The following KCNN4 variants were observed in gnomAD, a reference collection of about 807,000 sequenced individuals.
KCNN4 encodes the protein potassium calcium-activated channel subfamily N member 4, also known as intermediate conductance calcium-activated potassium channel protein 4.
In KCNN4, 31 loss-of-function variants were observed where a neutral mutation model predicts 45.2. That is an observed-to-expected ratio of 0.69 (90% CI 0.52 to 0.92). KCNN4 has a LOEUF of 0.92. KCNN4 is among the 40% of genes least tolerant of loss of function. The probability of loss-of-function intolerance (pLI) is 0.00; values close to 1 mark genes in which losing one functional copy is unlikely to be tolerated. For synonymous variants in KCNN4, 231 were observed against 254.6 expected (o/e 0.91, Z 0.88); for missense variants, 463 against 574.0 (o/e 0.81, Z 1.98).
rs746100782 is a variant in KCNN4, at chr19:43,774,519, G to A, written c.356C>T (p.Pro119Leu). 4 of 1,596,768 alleles carry A rather than the reference G, an allele frequency of 2.5e-6. No homozygotes were observed. Among genetic ancestry groups the A allele is most frequent in the African/African-American group, 1.3e-5 (1 of 74,770 alleles). The change falls in exon 3 of 9, where the codon CCG (proline) becomes CTG (leucine). Residue 119 changes from proline to leucine, a missense_variant. By Grantham distance (98) the Pro-to-Leu change is moderately conservative. Around this residue, in one of 3 missense-constraint regions of KCNN4, gnomAD observed 225 missense variants for 240.9 expected, o/e 0.93. Coordinates refer to ENST00000648319, the MANE Select transcript of KCNN4 (RefSeq NM_002250.3). This position sits in a 1 kb window ranked among gnomAD's most constrained non-coding sequence, Gnocchi z 5.6. ...GCACGGCGGGCCCCGCACGGGCGCCGGGTGCAGCCCACACACCACCAGCTC... is the reference window on the plus strand; with the variant it reads ...GCACGGCGGGCCCCGCACGGGCGCCAGGTGCAGCCCACACACCACCAGCTC... Reference protein sequence around the residue: ...VLELVVCGLHPAPVRGPPCVQ... With the variant: ...VLELVVCGLHLAPVRGPPCVQ...
Position 43,776,497 on chromosome 19 carries a change from AG to A in KCNN4, c.255+43del, listed in dbSNP as rs772932619. ...GAAAGTGTGAGCTGACAGGGCGCTG[AG>A]GGGGTTGGAGGGAGCAAGGCTTAGG... On this transcript the variant is annotated intron_variant, in intron 2 of 8. Coordinates refer to ENST00000648319, the MANE Select transcript of KCNN4 (RefSeq NM_002250.3). 5.4e-6 allele frequency: 7 copies of A among 1,300,230 alleles called. 1 individual carries two copies. The South Asian group carries it at 8.3e-5, about 15-fold the overall frequency. 80.5% of individuals were successfully genotyped at this position (1,300,230 alleles called of 1,614,324 possible).
chr19:43,776,556 A>T lies in KCNN4; in HGVS notation c.240T>A (p.His80Gln). ...CCTGCCCTACCTGGACCTCTTTGGC[A>T]TGAAAGGCCACGATGAGGCAGAGGA... ...FLLLCLIVAF[H>Q]AKEVQLFMTD... The change falls in exon 2 of 9, where the codon CAT (histidine) becomes CAA (glutamine). Residue 80 changes from histidine (H) to glutamine (Q), a missense_variant. Coordinates refer to ENST00000648319, the MANE Select transcript of KCNN4 (RefSeq NM_002250.3). 1 of 1,613,122 alleles carries T rather than the reference A, an allele frequency of 6.2e-7. No homozygotes were observed. Among genetic ancestry groups the T allele is most frequent in the South Asian group, 1.1e-5 (1 of 91,054 alleles).
rs757129792 is a variant in KCNN4, at chr19:43,768,983, A to G, written c.1099T>C (p.Ser367Pro). The change falls in exon 7 of 9, where the codon TCC becomes CCC. Residue 367 changes from serine (S) to proline (P), a missense_variant. Ser to Pro is a moderately conservative substitution (Grantham distance 74). Around this residue, in one of 3 missense-constraint regions of KCNN4, gnomAD observed 129 missense variants for 149.4 expected, o/e 0.86. Transcript: ENST00000648319. ...KHRKLREQVN[S>P]MVDISKMHMI... ...AGTACCTTGGAGATGTCCACCATGGAGTTCACTTGTTCCCGGAGCTTCCGG... is the reference window on the plus strand; with the variant it reads ...AGTACCTTGGAGATGTCCACCATGGGGTTCACTTGTTCCCGGAGCTTCCGG... The G allele has an allele frequency of 6.2e-7, 1 of 1,613,988 alleles. No individual in the cohort carries two copies. Among genetic ancestry groups the G allele is most frequent in the Non-Finnish European group, 8.5e-7 (1 of 1,179,926 alleles).
In KCNN4 at chr19:43,774,451, G is replaced by C. The variant is rs1275418288; in HGVS notation, c.424C>G (p.Pro142Ala). 1.3e-6 allele frequency: 2 copies of C among 1,595,142 alleles called. No individual in the cohort carries two copies. Among genetic ancestry groups the C allele is most frequent in the South Asian group, 1.1e-5 (1 of 89,168 alleles). ...GCTTCCCCTTGGCCCAGGAATCCCG[G>C]CCAGGGCTGCGGGGAGGTCAGCGGC... ...GAPLTSPQPW[P>A]GFLGQGEALL... is the part of the protein sequence containing the mutation. The change falls in exon 3 of 9, where the codon CCG becomes GCG. Residue 142 changes from proline to alanine, a missense_variant. Physicochemically the swap from Pro to Ala is conservative, Grantham distance 27 (BLOSUM62 -1). Around this residue, in one of 3 missense-constraint regions of KCNN4, gnomAD observed 225 missense variants for 240.9 expected, o/e 0.93. Coordinates refer to ENST00000648319, the MANE Select transcript of KCNN4 (RefSeq NM_002250.3). The surrounding 1 kb of genome is among the most constrained non-coding windows in gnomAD (Gnocchi z 5.6).
intron 1 of KCNN4, among the ~76,000 whole-genome samples, chr19:43,778,121 C>T (rs1374875864): frequency 6.6e-6 from 1 of 152,208 alleles, no homozygotes; most frequent in East Asian, 1.9e-4. Context: ...TTTCCATTTC[C>T]TCTTCCCCCA....
chr19:43,771,958 A>G (rs199621066), intron 4 of KCNN4, 42 bp downstream of exon 4: 7 of 1,546,638 alleles, frequency 4.5e-6, no homozygotes, highest in Non-Finnish European at 6.1e-6. Context: ...GAGGATGACC[A>G]GTTTGGGATA....
chr19:43,771,647 G>A (rs1324907312), intron 4 of KCNN4, among the ~76,000 whole-genome samples: 1 of 152,166 alleles, frequency 6.6e-6, no homozygotes, highest in Non-Finnish European at 1.5e-5. Flanking sequence ...AGGTTCTAGA[G>A]AGAGCAAGGA....
At chr19:43,767,922 G>A (rs1969528681) in intron 7 of KCNN4, among the ~76,000 whole-genome samples, 2 of 152,202 alleles carry the variant, frequency 1.3e-5, no homozygotes, top group African/African-American at 4.8e-5. Flanking sequence ...AAAAGCCACA[G>A]GGAGTGGGAA....
chr19:43,776,846 C>A, intron 1 of KCNN4: 1 of 534,964 alleles, frequency 1.9e-6, no homozygotes, highest in Non-Finnish European at 3.4e-6. Context: ...ACCTGTAATC[C>A]CAACACTCTG....
At chr19:43,780,452 CTG>C (rs1568396905) in intron 1 of KCNN4, among the ~76,000 whole-genome samples, 4 of 139,460 alleles carry the variant, frequency 2.9e-5, no homozygotes, top group South Asian at 2.4e-4. Context: ...CCCAGGAGTC[CTG>C]ACCCCCAGCC....
chr19:43,772,197 C>T lies in KCNN4; in HGVS notation c.684-62G>A. ...ATAGAGGTTTCCATGATATTCACTC[C>T]CCTTCCCTCTATACCCTCCCATCCC... On this transcript the variant is annotated intron_variant, in intron 3 of 8. Transcript: ENST00000648319. The surrounding 1 kb of genome is among the most constrained non-coding windows in gnomAD (Gnocchi z 4.4). 1 of 1,585,074 alleles carries T rather than the reference C, an allele frequency of 6.3e-7. No homozygotes were observed. The highest frequency in any genetic ancestry group is 8.6e-7 in the Non-Finnish European group (1 of 1,163,016).
rs537430081 is a variant in KCNN4, at chr19:43,779,373, G to A, written c.159+1330C>T. ...CGGCGGCCCCACCCCCTCAGTGCCC[G>A]CCGCCTGCCAGAGGAAGCTGCATGC... is the stretch of plus-strand genomic sequence containing the variant. On this transcript the variant is annotated intron_variant, in intron 1 of 8. Transcript: ENST00000648319. 9.5e-5 allele frequency among the ~76,000 whole-genome samples: 14 copies of A among 147,786 alleles called. No homozygotes were observed. The East Asian group carries it at 2.5e-3, about 26-fold the overall frequency.
At position 43,769,183 on chromosome 19, in the gene KCNN4, C is replaced by T. The variant is rs1969564330; in HGVS notation, c.1050-151G>A. 1 of 845,388 alleles carries T rather than the reference C, an allele frequency of 1.2e-6. No individual in the cohort carries two copies. The highest frequency in any genetic ancestry group is 1.7e-5 in the African/African-American group (1 of 59,322). 52.4% of individuals were successfully genotyped at this position (845,388 alleles called of 1,614,324 possible). A position where few individuals can be genotyped will look rare whatever the true frequency, so the allele number is the denominator to read the frequency against. Reference sequence around the variant, plus strand: ...GCTGAAAGAGTGGGAGGGGATGCACCCTGCCTCCCCACGAGCCCCCATCCC... The same window carrying T: ...GCTGAAAGAGTGGGAGGGGATGCACTCTGCCTCCCCACGAGCCCCCATCCC... On this transcript the variant is annotated intron_variant, in intron 6 of 8. Coordinates refer to ENST00000648319, the MANE Select transcript of KCNN4 (RefSeq NM_002250.3). The surrounding 1 kb of genome is among the most constrained non-coding windows in gnomAD (Gnocchi z 4.4).
At chr19:43,778,984 A>C (rs1969893454) in intron 1 of KCNN4, among the ~76,000 whole-genome samples, 1 of 152,214 alleles carries the variant, frequency 6.6e-6, no homozygotes, top group Non-Finnish European at 1.5e-5. Context: ...GCCTGAGTCC[A>C]GGAGTTCAAG....
intron 2 of KCNN4, 62 bp downstream of exon 2, chr19:43,776,479 T>G: frequency 5.2e-6 from 6 of 1,142,866 alleles, no homozygotes; most frequent in Non-Finnish European, 8.0e-6. Flanking sequence ...GTGGAAAGTG[T>G]GAGCTGACAG....
chr19:43,778,819 T>G (rs1029043325), intron 1 of KCNN4, among the ~76,000 whole-genome samples: 2 of 152,096 alleles, frequency 1.3e-5, no homozygotes, highest in African/African-American at 4.8e-5. Flanking sequence ...CCCCTCCCCC[T>G]GGGGAGCAGG....
In KCNN4 at chr19:43,780,813, G is replaced by A. The variant is rs140996418; in HGVS notation, c.49C>T (p.Arg17Cys). ...LGLGALRRRK[R>C]LLEQEKSLAG... ...AGAGACTTCTCCTGCTCCAGCAAGCGCTTTCGGCGTCTCAAGGCCCCCAGG... is the reference window on the plus strand; with the variant it reads ...AGAGACTTCTCCTGCTCCAGCAAGCACTTTCGGCGTCTCAAGGCCCCCAGG... The change falls in exon 1 of 9, where the codon CGC becomes TGC. Residue 17 changes from arginine (R) to cysteine (C), a missense_variant. Transcript: ENST00000648319. The A allele has an allele frequency of 2.0e-5, 32 of 1,613,836 alleles. No homozygotes were observed. Among genetic ancestry groups the A allele is most frequent in the African/African-American group, 1.1e-4 (8 of 74,846 alleles).
Position 43,780,763 on chromosome 19 carries a change from T to TGCCAGC in KCNN4, c.93_98dup (p.Leu32_Ala33dup). The TGCCAGC allele has an allele frequency of 6.2e-7, 1 of 1,613,864 alleles. No individual in the cohort carries two copies. The highest frequency in any genetic ancestry group is 8.5e-7 in the Non-Finnish European group (1 of 1,179,958). ...GCACCATGAGTCCAATGCCAGTTCC[T>TGCCAGC]GCCAGCACCAGTGCCCAGCCGGCCA... is the stretch of plus-strand genomic sequence containing the variant. On this transcript the variant is annotated inframe_insertion, in exon 1 of 9. Coordinates refer to ENST00000648319, the MANE Select transcript of KCNN4 (RefSeq NM_002250.3).
rs745867670 is a variant in KCNN4, at chr19:43,774,587, C to A, written c.288G>T (p.Trp96Cys). 4.6e-6 allele frequency: 7 copies of A among 1,523,044 alleles called. No homozygotes were observed. Among genetic ancestry groups the A allele is most frequent in the Non-Finnish European group, 6.1e-6 (7 of 1,145,740 alleles). The allele number at this position is 1,523,044 out of a possible 1,614,324, so 94.3% of individuals were successfully genotyped here. The change falls in exon 3 of 9, where the codon TGG becomes TGT. Residue 96 changes from tryptophan (W) to cysteine (C), a missense_variant. Transcript: ENST00000648319. The surrounding 1 kb of genome is among the most constrained non-coding windows in gnomAD (Gnocchi z 5.6). ...LFMTDNGLRD[W>C]RVALTGRQAA... ...CCTGCCGCCCGGTCAGCGCCACGCG[C>A]CAGTCCCGCAGCCCGTTGTCGGTCA...
Sources: gnomAD v4.1 joint callset for allele counts (sites outside exome capture counted in the v4.1 genomes callset) on GRCh38, gnomAD v4.1.1 for gene constraint, gnomAD v4.1.1 regional missense constraint, Gnocchi (gnomAD v3.1) non-coding constraint, MANE v1.5 for transcripts, NCBI Gene and HGNC (gene_info 2026-07-23, HGNC 2026-07-21) for gene names.